The following DTHD1 variants were observed in gnomAD, a reference collection of about 807,000 sequenced individuals.
The protein encoded by DTHD1 is death domain containing 1.
Under a neutral mutation model 74.8 loss-of-function variants are expected in DTHD1, and 59 were observed. The observed-to-expected ratio is 0.79, with a 90% confidence interval of 0.64 to 0.98. The LOEUF (loss-of-function observed/expected upper bound fraction) is 0.98. DTHD1 is among the 50% of genes least tolerant of loss of function. The probability of loss-of-function intolerance (pLI) is 0.00; values close to 1 mark genes in which losing one functional copy is unlikely to be tolerated. For missense variants in DTHD1, 1,051 were observed against 1,065.4 expected, an observed-to-expected ratio of 0.99 and a Z score of 0.19; for synonymous variants, 365 against 371.1, an observed-to-expected ratio of 0.98 and a Z score of 0.19.
At position 36,283,989 on chromosome 4, in the gene DTHD1, C is replaced by T. The variant is rs748507099; in HGVS notation, c.285C>T (p.Phe95=). Residue 95 remains phenylalanine (F), a synonymous_variant, in exon 2 of 10, where the codon TTC becomes TTT. Transcript: ENST00000639862. ...QCVSRKEIIT[F]IDCLIKITEH... ...ATGTGTGTGTAGAAATCATTACTTT[C>T]ATAGACTGCCTCATAAAAATAACTG... 3 of 1,533,368 alleles carry T rather than the reference C, an allele frequency of 2.0e-6. No individual in the cohort carries two copies. The South Asian group carries it at 3.6e-5, about 18-fold the overall frequency. The allele number at this position is 1,533,368 out of a possible 1,614,324, so 95.0% of individuals were successfully genotyped here.
chr4:36,312,886 G>C (rs1355882164), intron 7 of DTHD1, among the ~76,000 whole-genome samples: 2 of 152,180 alleles, frequency 1.3e-5, no homozygotes, highest in Admixed American at 6.5e-5. Flanking sequence ...GATTATAACT[G>C]CGTTGAGAAT....
intron 1 of DTHD1, 99 bp downstream of exon 1, chr4:36,282,128 G>A (rs968173440): frequency 9.8e-7 from 1 of 1,022,946 alleles, no homozygotes; most frequent in Non-Finnish European, 1.3e-6. Flanking sequence ...CTAAGATAGA[G>A]TTTCTGTCCA....
At chr4:36,320,007 G>A (rs1757960453) in intron 8 of DTHD1, among the ~76,000 whole-genome samples, 1 of 152,128 alleles carries the variant, frequency 6.6e-6, no homozygotes, top group African/African-American at 2.4e-5. Flanking sequence ...ATGGAGCTAC[G>A]GCATTTTGTA....
chr4:36,334,535 T>A (rs889631102), intron 8 of DTHD1, among the ~76,000 whole-genome samples: 3 of 151,970 alleles, frequency 2.0e-5, no homozygotes, highest in African/African-American at 4.8e-5. Flanking sequence ...AATCTTTGCA[T>A]TTTTAGTAGA....
rs1045636239 is a variant in DTHD1, at chr4:36,293,545, A to G, written c.1238A>G (p.Lys413Arg). 81 of 1,544,132 alleles carry G rather than the reference A, an allele frequency of 5.2e-5. No homozygotes were observed. Among genetic ancestry groups the G allele is most frequent in the Non-Finnish European group, 7.0e-5 (80 of 1,142,348 alleles). Residue 413 changes from lysine to arginine, a missense_variant, in exon 4 of 10, where the codon AAA becomes AGA. By Grantham distance (26) the Lys-to-Arg change is conservative (BLOSUM62 2). Transcript: ENST00000639862. ...ATACAGGGGACCTGTGCTTCAGTAA[A>G]AGTTTACAAATTGGGTATCTTTTCT... is the stretch of plus-strand genomic sequence containing the variant. ...GGYKGTCASV[K>R]VYKLGIFSVV...
Position 36,316,307 on chromosome 4 carries a change from G to T in DTHD1, c.2161G>T (p.Glu721Ter). ...TCACTTGCAAAGAAAACCTAGGCTG[G>T]AACTCCAAATCAAAGAAGTGGACGA... ...IFHLQRKPRL[E>*]LQIKEVDEFG... Residue 721 changes from glutamate to a stop codon, truncating the protein, a stop_gained, in exon 8 of 10, where the codon GAA (glutamate) becomes TAA (stop). Transcript: ENST00000639862. LOFTEE classifies it high-confidence loss of function. The T allele has an allele frequency of 6.4e-7, 1 of 1,551,924 alleles. No homozygotes were observed. Among genetic ancestry groups the T allele is most frequent in the Non-Finnish European group, 8.7e-7 (1 of 1,147,014 alleles).
intron 7 of DTHD1, among the ~76,000 whole-genome samples, chr4:36,309,692 A>G (rs1048030147): frequency 6.6e-6 from 1 of 152,094 alleles, no homozygotes; most frequent in Non-Finnish European, 1.5e-5. Flanking sequence ...TTTATTTTTT[A>G]TATCAACCCA....
chr4:36,340,479 A>C (rs1759255135), intron 9 of DTHD1, among the ~76,000 whole-genome samples: 1 of 152,208 alleles, frequency 6.6e-6, no homozygotes, highest in Non-Finnish European at 1.5e-5. Flanking sequence ...GCTTGGGTGC[A>C]GGGGATAAGA....
intron 2 of DTHD1, among the ~76,000 whole-genome samples, chr4:36,289,934 T>C (rs1028368877): frequency 6.6e-6 from 1 of 151,976 alleles, no homozygotes; most frequent in Non-Finnish European, 1.5e-5. Context: ...ATTCTAATAC[T>C]TCATATATGT....
rs1755413217 is a variant in DTHD1 at position 36,281,802 on chromosome 4, T to G, written c.44T>G (p.Leu15Trp). Residue 15 changes from leucine (L) to tryptophan (W), a missense_variant, in exon 1 of 10, where the codon TTG (leucine) becomes TGG (tryptophan). Coordinates refer to ENST00000639862, the MANE Select transcript of DTHD1 (RefSeq NM_001170700.3). Reference protein sequence around the residue: ...YMGSGKLGQILKQIWRQNQML... With the variant: ...YMGSGKLGQIWKQIWRQNQML... ...GGCTCAGGTAAACTGGGCCAAATAT[T>G]GAAGCAGATTTGGAGACAAAACCAG... 8.1e-7 allele frequency: 1 copy of G among 1,240,684 alleles called. No homozygotes were observed. The highest frequency in any genetic ancestry group is 1.0e-6 in the Non-Finnish European group (1 of 991,050). The allele number at this position is 1,240,684 out of a possible 1,614,324, so 76.9% of individuals were successfully genotyped here.
intron 8 of DTHD1, among the ~76,000 whole-genome samples, chr4:36,334,324 G>A (rs1578492177): frequency 1.3e-5 from 2 of 150,474 alleles, no homozygotes; most frequent in East Asian, 3.9e-4. Context: ...GAACACTCAG[G>A]TTTGAGAACC....
At chr4:36,283,162 AC>A (rs1578428892) in intron 1 of DTHD1, among the ~76,000 whole-genome samples, 3 of 152,240 alleles carry the variant, frequency 2.0e-5, no homozygotes, top group Admixed American at 2.0e-4. Flanking sequence ...CTAGAGAGGT[AC>A]TAAGCCTGCA....
At chr4:36,290,838 G>T in intron 3 of DTHD1, 135 bp downstream of exon 3, 1 of 727,888 alleles carries the variant, frequency 1.4e-6, no homozygotes. Flanking sequence ...TTGTGCCAGT[G>T]CGTTCACAGT....
chr4:36,309,543 A>G (rs1757261758), intron 7 of DTHD1, among the ~76,000 whole-genome samples: 1 of 152,228 alleles, frequency 6.6e-6, no homozygotes, highest in East Asian at 1.9e-4. Context: ...TTTTGTTCAT[A>G]TAGTTATGCT....
At chr4:36,332,786 G>A (rs1313188173) in intron 8 of DTHD1, 1 of 152,122 alleles carries the variant, frequency 6.6e-6, no homozygotes, top group Non-Finnish European at 1.5e-5. Context: ...AACAGTAAGA[G>A]CTCCCCATCT....
chr4:36,319,486 C>T (rs1757937222), intron 8 of DTHD1, among the ~76,000 whole-genome samples: 1 of 152,178 alleles, frequency 6.6e-6, no homozygotes, highest in African/African-American at 2.4e-5. Flanking sequence ...GGCTGCTCTC[C>T]AGGCAGCTCA....
chr4:36,308,448 G>T lies in DTHD1; in HGVS notation c.2050G>T (p.Gly684Ter). 6.4e-7 allele frequency: 1 copy of T among 1,551,748 alleles called. No homozygotes were observed. The highest frequency in any genetic ancestry group is 1.4e-5 in the African/African-American group (1 of 73,160). ...ATCTCGTCATTTCCAAGTTCGAGAA[G>T]GAGAACAACTTCTTTTAAGATTTAC... ...EPSRHFQVRE[G>*]EQLLLRFTGN... The change falls in exon 7 of 10, where the codon GGA (glycine) becomes TGA (stop). Residue 684 changes from glycine (G) to a stop codon, truncating the protein, a stop_gained. Transcript: ENST00000639862. LOFTEE classifies it high-confidence loss of function.
intron 8 of DTHD1, among the ~76,000 whole-genome samples, chr4:36,329,937 G>C (rs1470678558): frequency 6.6e-6 from 1 of 152,114 alleles, no homozygotes; most frequent in Non-Finnish European, 1.5e-5. Flanking sequence ...AGATGAAATT[G>C]TTTTCCCACT....
intron 8 of DTHD1, among the ~76,000 whole-genome samples, chr4:36,328,242 T>C (rs1457081741): frequency 6.6e-6 from 1 of 152,254 alleles, no homozygotes; most frequent in East Asian, 1.9e-4. Flanking sequence ...CTCTAAACTC[T>C]GTTCTTATTT....
Sources: allele counts gnomAD v4.1 joint callset (sites outside exome capture counted in the v4.1 genomes callset), GRCh38; gene constraint gnomAD v4.1.1; transcripts MANE v1.5; gene names NCBI Gene and HGNC (gene_info 2026-07-23, HGNC 2026-07-21).